Variants in TRIM9 observed in about 807,000 individuals in gnomAD.
TRIM9 encodes E3 ubiquitin-protein ligase TRIM9.
In TRIM9, 26 loss-of-function variants were observed where a neutral mutation model predicts 78.3. The ratio of observed to expected loss-of-function variants is 0.33; its 90% CI spans 0.24 to 0.46. TRIM9 has a LOEUF of 0.46. Among genes scored for constraint, TRIM9 ranks in the 20% least tolerant of loss-of-function variants. The pLI, the probability that TRIM9 is intolerant of heterozygous loss-of-function variation, is 1.00. For synonymous variants in TRIM9, 398 were observed against 416.5 expected (o/e 0.96, Z 0.54); for missense variants, 787 against 1,036.4 (o/e 0.76, Z 3.30).
chr14:51,027,453 C>T (rs566504680), intron 1 of TRIM9, among the ~76,000 whole-genome samples: 3 of 151,416 alleles, frequency 2.0e-5, no homozygotes, highest in Admixed American at 1.3e-4. Flanking sequence ...CAGCTGTTAA[C>T]TCTTATTTGT....
At chr14:51,026,860 T>C (rs1185831531) in intron 1 of TRIM9, among the ~76,000 whole-genome samples, 2 of 152,214 alleles carry the variant, frequency 1.3e-5, no homozygotes, top group African/African-American at 4.8e-5. Context: ...AGAACAGTAA[T>C]ACTTTGTAGT....
rs1207968421 is a variant in TRIM9 at position 50,975,899 on chromosome 14, G to A, written c.*1392C>T. On this transcript the variant is annotated 3_prime_UTR_variant, in exon 13 of 13. Coordinates refer to ENST00000684578, the MANE Select transcript of TRIM9 (RefSeq NM_001387360.1). ...CATTATTATTCTGCTATCAGTCATA[G>A]TAATGACATACAGTCCCATGTTTTT... 2 of 152,610 alleles carry A rather than the reference G, an allele frequency of 1.3e-5. No individual in the cohort carries two copies. The highest frequency in any genetic ancestry group is 2.9e-5 in the Non-Finnish European group (2 of 68,038). The allele number at this position is 152,610 out of a possible 1,614,324, so 9.5% of individuals were successfully genotyped here.
At chr14:50,980,483 C>T (rs1160769795) in intron 11 of TRIM9, among the ~76,000 whole-genome samples, 1 of 152,256 alleles carries the variant, frequency 6.6e-6, no homozygotes, top group East Asian at 1.9e-4. Context: ...CATTAAAAGA[C>T]AGGTTTACAA....
At chr14:51,005,080 T>A (rs1029835450) in intron 5 of TRIM9, among the ~76,000 whole-genome samples, 10 of 152,174 alleles carry the variant, frequency 6.6e-5, no homozygotes, top group African/African-American at 2.4e-4. Context: ...ACAAGCTGTT[T>A]CTGGAAAGCT....
At chr14:51,032,839 C>T (rs74052588) in intron 1 of TRIM9, among the ~76,000 whole-genome samples, 1,628 of 152,294 alleles carry the variant, frequency 0.011, 27 homozygotes, top group African/African-American at 0.037. Flanking sequence ...ATAAGTAGTA[C>T]AGGTTGAATA....
In TRIM9 at chr14:51,094,501, T is replaced by G; in HGVS notation, c.439A>C (p.Lys147Gln). 1.2e-6 allele frequency: 2 copies of G among 1,613,622 alleles called. No individual in the cohort carries two copies. Among genetic ancestry groups the G allele is most frequent in the Non-Finnish European group, 1.7e-6 (2 of 1,179,906 alleles). ...ATTACCCCTTCCAGTACGCGATTCT[T>G]GGGGAAGCCGCGGAGCCCCCGGTCA... The part of the protein sequence containing the change: ...LDDRGLRGFP[K>Q]NRVLEGVIDR... The change falls in exon 1 of 13, where the codon AAG becomes CAG. Residue 147 changes from lysine to glutamine, a missense_variant. By Grantham distance (53) the Lys-to-Gln change is moderately conservative. Around this residue, in one of 3 missense-constraint regions of TRIM9, gnomAD observed 352 missense variants for 472.3 expected, o/e 0.75. Transcript: ENST00000684578.
At position 50,993,319 on chromosome 14, in the gene TRIM9, G is replaced by A. The variant is rs1306192891; in HGVS notation, c.1603+4731C>T. ...GTTTGGATATTATGCTGGAAATGAT[G>A]GCCACTCCCACATCTTCTTAAAGCT... On this transcript the variant is annotated intron_variant, in intron 7 of 12. Coordinates refer to ENST00000684578, the MANE Select transcript of TRIM9 (RefSeq NM_001387360.1). Among the ~76,000 whole-genome samples, 3 of 152,052 alleles carry A rather than the reference G, an allele frequency of 2.0e-5. No individual in the cohort carries two copies. The East Asian group carries it at 5.8e-4, about 29-fold the overall frequency.
intron 1 of TRIM9, among the ~76,000 whole-genome samples, chr14:51,035,652 G>A (rs868634025): frequency 2.0e-5 from 3 of 152,202 alleles, no homozygotes; most frequent in South Asian, 2.1e-4. Flanking sequence ...CAGTGTGGAC[G>A]TGAAGGCAGC....
At chr14:51,016,816 C>A (rs986124454) in intron 3 of TRIM9, among the ~76,000 whole-genome samples, 1 of 152,156 alleles carries the variant, frequency 6.6e-6, no homozygotes. Context: ...AAAGTCTGTA[C>A]ATGTTCAGGA....
intron 3 of TRIM9, 104 bp downstream of exon 3, chr14:51,022,731 T>C (rs2057874111): frequency 6.5e-7 from 1 of 1,529,604 alleles, no homozygotes; most frequent in Non-Finnish European, 8.8e-7. Context: ...GCTGTGGGCA[T>C]CCTCTCCTCC....
intron 10 of TRIM9, chr14:50,982,575 G>A (rs1485968160): frequency 1.5e-5 from 5 of 324,892 alleles, no homozygotes; most frequent in Admixed American, 4.4e-5. Flanking sequence ...ACATCTAGTC[G>A]CTTTGAAGTC....
chr14:50,984,069 A>T (rs1370038252), intron 8 of TRIM9, among the ~76,000 whole-genome samples: 2 of 152,154 alleles, frequency 1.3e-5, no homozygotes, highest in Non-Finnish European at 2.9e-5. Context: ...GAACTTTTTC[A>T]ACCATCTCCC....
chr14:50,980,313 A>G (rs2051693403), intron 11 of TRIM9, among the ~76,000 whole-genome samples: 1 of 152,204 alleles, frequency 6.6e-6, no homozygotes, highest in African/African-American at 2.4e-5. Context: ...TTATGCTTCA[A>G]TTGATGGTTT....
At chr14:51,069,006 T>C (rs2140217558) in intron 1 of TRIM9, among the ~76,000 whole-genome samples, 1 of 152,176 alleles carries the variant, frequency 6.6e-6, no homozygotes, top group African/African-American at 2.4e-5. Flanking sequence ...AAGAGGGAGA[T>C]GAGTGTGGGG....
intron 1 of TRIM9, among the ~76,000 whole-genome samples, chr14:51,054,695 T>A (rs1194832138): frequency 6.6e-6 from 1 of 152,220 alleles, no homozygotes; most frequent in East Asian, 1.9e-4. Context: ...TGCCTCAGCC[T>A]CCGGAGTAGC....
Position 50,977,077 on chromosome 14 carries a change from T to C in TRIM9, c.*214A>G. 2.7e-6 allele frequency: 1 copy of C among 374,366 alleles called. No individual in the cohort carries two copies. Among genetic ancestry groups the C allele is most frequent in the Non-Finnish European group, 4.7e-6 (1 of 210,830 alleles). 23.2% of individuals were successfully genotyped at this position (374,366 alleles called of 1,614,324 possible). On this transcript the variant is annotated 3_prime_UTR_variant, in exon 13 of 13. Transcript: ENST00000684578. ...TAGGTCCTTTGTTGGTTAGAATTGT[T>C]GGACATGGAAGCGGAAGCAGGCATG...
At chr14:50,993,219 T>A (rs9888603) in intron 7 of TRIM9, among the ~76,000 whole-genome samples, 1 of 151,924 alleles carries the variant, frequency 6.6e-6, no homozygotes, top group Non-Finnish European at 1.5e-5. Context: ...CTAGGTGACC[T>A]GCTCACCTGG....
At chr14:51,082,809 C>G (rs894867585) in intron 1 of TRIM9, among the ~76,000 whole-genome samples, 3 of 152,166 alleles carry the variant, frequency 2.0e-5, no homozygotes, top group Non-Finnish European at 4.4e-5. Context: ...CATATAAGAG[C>G]AAGCCACCTC....
chr14:51,043,504 C>T (rs1025662028), intron 1 of TRIM9, among the ~76,000 whole-genome samples: 1 of 152,362 alleles, frequency 6.6e-6, no homozygotes, highest in South Asian at 2.1e-4. Flanking sequence ...GTTCTATCTA[C>T]AGCCTATCTG....
Sources: gnomAD v4.1 joint callset for allele counts (sites outside exome capture counted in the v4.1 genomes callset) on GRCh38, gnomAD v4.1.1 for gene constraint, gnomAD v4.1.1 regional missense constraint, MANE v1.5 for transcripts, NCBI Gene and HGNC (gene_info 2026-07-23, HGNC 2026-07-21) for gene names.